The following CADM2 variants were observed in gnomAD, a reference collection of about 807,000 sequenced individuals.
CADM2 encodes immunoglobulin superfamily member 4D.
In CADM2, 12 loss-of-function variants were observed where a neutral mutation model predicts 49.8. The observed-to-expected ratio is 0.24, with a 90% CI of 0.15 to 0.39. CADM2 has a LOEUF of 0.39. Ranked by LOEUF, CADM2 falls within the 10% of genes least tolerant of loss-of-function variation. The pLI is 1.00. For synonymous variants in CADM2, 214 were observed against 175.4 expected (o/e 1.22, Z -1.74); for missense variants, 378 against 492.3 (o/e 0.77, Z 2.20).
intron 5 of CADM2, among the ~76,000 whole-genome samples, chr3:85,904,988 C>G (rs1275541081): frequency 6.6e-6 from 1 of 151,898 alleles, no homozygotes; most frequent in East Asian, 1.9e-4. Flanking sequence ...GTTATTCCCC[C>G]TTTTTTTGTA....
At chr3:85,796,956 G>A (rs1266184550) in intron 2 of CADM2, among the ~76,000 whole-genome samples, 2 of 151,930 alleles carry the variant, frequency 1.3e-5, no homozygotes, top group Admixed American at 1.3e-4. Flanking sequence ...TTAACTGGGT[G>A]TGGTGACACG....
chr3:86,048,917 C>T, intron 8 of CADM2, among the ~76,000 whole-genome samples: 1 of 152,076 alleles, frequency 6.6e-6, no homozygotes, highest in Admixed American at 6.6e-5. Context: ...AGGCCTCTAA[C>T]TATAAAAGAC....
intron 1 of CADM2, among the ~76,000 whole-genome samples, chr3:85,213,298 A>G (rs775063442): frequency 2.0e-4 from 30 of 152,048 alleles, no homozygotes; most frequent in Admixed American, 1.7e-3. Flanking sequence ...TAAGCTGTTT[A>G]TCTCTCTTTC....
At chr3:85,898,555 G>A (rs1443001335) in intron 5 of CADM2, among the ~76,000 whole-genome samples, 1 of 151,246 alleles carries the variant, frequency 6.6e-6, no homozygotes, top group Non-Finnish European at 1.5e-5. Flanking sequence ...AAGAATCATA[G>A]GGTCTGTACA....
intron 1 of CADM2, among the ~76,000 whole-genome samples, chr3:85,554,107 A>G (rs1209525191): frequency 6.9e-6 from 1 of 144,104 alleles, no homozygotes; most frequent in East Asian, 2.2e-4. Context: ...TTTCCACAGA[A>G]GTAGTCAGGG....
chr3:85,238,395 C>G (rs923598030), intron 1 of CADM2, among the ~76,000 whole-genome samples: 1 of 151,874 alleles, frequency 6.6e-6, no homozygotes, highest in Non-Finnish European at 1.5e-5. Context: ...GAAGGAAAAG[C>G]AATTGTATAG....
At chr3:86,027,479 C>T (rs770575690) in intron 8 of CADM2, among the ~76,000 whole-genome samples, 1 of 152,126 alleles carries the variant, frequency 6.6e-6, no homozygotes, top group Non-Finnish European at 1.5e-5. Context: ...TTTTAATGCA[C>T]AGATGCTCTT....
chr3:84,968,871 A>G (rs949684830), intron 1 of CADM2, among the ~76,000 whole-genome samples: 2 of 152,092 alleles, frequency 1.3e-5, no homozygotes, highest in African/African-American at 4.8e-5. Flanking sequence ...ATTGCCTGCA[A>G]TCTTTATGGA....
At chr3:85,657,755 TACACAG>T (rs1380285606) in intron 1 of CADM2, among the ~76,000 whole-genome samples, 1,727 of 113,778 alleles carry the variant, frequency 0.015, 13 homozygotes, top group Non-Finnish European at 0.022. Context: ...TATATATATA[TACACAG>T]ATATATATAT....
intron 2 of CADM2, chr3:85,800,523 G>A (rs2071945224): frequency 6.5e-6 from 1 of 152,748 alleles, no homozygotes; most frequent in Non-Finnish European, 1.5e-5. Context: ...TTGAGACTTA[G>A]GGCCCTTGTG....
intron 1 of CADM2, among the ~76,000 whole-genome samples, chr3:85,446,469 C>T (rs2037455814): frequency 6.6e-6 from 1 of 152,096 alleles, no homozygotes; most frequent in South Asian, 2.1e-4. Context: ...TAACCACTGA[C>T]TCTTGCAGAA....
At chr3:85,370,137 C>T (rs1042232604) in intron 1 of CADM2, among the ~76,000 whole-genome samples, 4 of 150,740 alleles carry the variant, frequency 2.7e-5, no homozygotes, top group Admixed American at 2.0e-4. Flanking sequence ...CGCTTGAAAC[C>T]GGGAGGGAGA....
At chr3:85,660,294 A>C (rs999409068) in intron 1 of CADM2, among the ~76,000 whole-genome samples, 1 of 152,144 alleles carries the variant, frequency 6.6e-6, no homozygotes, top group Non-Finnish European at 1.5e-5. Context: ...TGTCAGTGGC[A>C]GGGAGGAGGC....
At chr3:85,028,697 C>A (rs1276101174) in intron 1 of CADM2, among the ~76,000 whole-genome samples, 1 of 152,002 alleles carries the variant, frequency 6.6e-6, no homozygotes, top group East Asian at 1.9e-4. Context: ...GACTGGTATA[C>A]TCAGTTATGT....
chr3:85,702,413 T>A (rs1381350233), intron 1 of CADM2, among the ~76,000 whole-genome samples: 1 of 152,158 alleles, frequency 6.6e-6, no homozygotes, highest in Non-Finnish European at 1.5e-5. Flanking sequence ...AGTCCACAGC[T>A]AGAAGGCTTA....
intron 3 of CADM2, among the ~76,000 whole-genome samples, chr3:85,831,934 T>C (rs1266995332): frequency 6.6e-6 from 1 of 152,006 alleles, no homozygotes; most frequent in Non-Finnish European, 1.5e-5. Context: ...TAGGTTTTCT[T>C]CTAGAATTTT....
intron 1 of CADM2, among the ~76,000 whole-genome samples, chr3:85,194,921 A>T (rs1325122729): frequency 3.3e-5 from 5 of 152,074 alleles, no homozygotes; most frequent in African/African-American, 1.2e-4. Context: ...TTTGTTTAAA[A>T]AAAAATGAAC....
intron 1 of CADM2, among the ~76,000 whole-genome samples, chr3:85,016,156 A>C (rs761305795): frequency 1.4e-4 from 22 of 152,188 alleles, no homozygotes; most frequent in South Asian, 4.1e-4. Flanking sequence ...GAAGAATATA[A>C]AGTAATGCCA....
chr3:85,840,313 A>G (rs1301334212), intron 3 of CADM2, among the ~76,000 whole-genome samples: 2 of 151,852 alleles, frequency 1.3e-5, no homozygotes, highest in Non-Finnish European at 2.9e-5. Flanking sequence ...AAAAATGACA[A>G]CACCTACTTT....
Sources: allele counts gnomAD v4.1 joint callset (sites outside exome capture counted in the v4.1 genomes callset), GRCh38; gene constraint gnomAD v4.1.1; transcripts MANE v1.5; gene names NCBI Gene and HGNC (gene_info 2026-07-23, HGNC 2026-07-21).